Variants in CSNK1G3 observed in about 807,000 individuals in gnomAD.
The protein encoded by CSNK1G3 is casein kinase I isoform gamma-3.
CSNK1G3 carries 23 observed loss-of-function variants against 64.3 expected under a neutral mutation model. The ratio of observed to expected loss-of-function variants is 0.36; its 90% CI spans 0.26 to 0.51. CSNK1G3 has a LOEUF of 0.51. CSNK1G3 is among the 20% of genes least tolerant of loss of function. The pLI is 0.96. For missense variants in CSNK1G3, 357 were observed against 510.5 expected (o/e 0.70, Z 2.90); for synonymous variants, 158 against 162.2 (o/e 0.97, Z 0.20).
At chr5:123,610,628 C>T (rs1158390743) in intron 12 of CSNK1G3, among the ~76,000 whole-genome samples, 2 of 151,954 alleles carry the variant, frequency 1.3e-5, no homozygotes, top group Admixed American at 6.6e-5. Context: ...CTGTTTGTTG[C>T]CTAATTGTAT....
chr5:123,594,960 A>G, intron 10 of CSNK1G3, 79 bp from the exon 11 acceptor site: 1 of 1,204,500 alleles, frequency 8.3e-7, no homozygotes, highest in Non-Finnish European at 1.2e-6. Context: ...CGTTTGTTTT[A>G]TATATTATGA....
intron 2 of CSNK1G3, among the ~76,000 whole-genome samples, chr5:123,547,302 A>T (rs530836782): frequency 5.3e-4 from 81 of 152,262 alleles, no homozygotes; most frequent in South Asian, 2.1e-3. Flanking sequence ...GACCAACACT[A>T]TACTTGCATA....
At chr5:123,526,951 T>C (rs1196287405) in intron 1 of CSNK1G3, among the ~76,000 whole-genome samples, 1 of 152,024 alleles carries the variant, frequency 6.6e-6, no homozygotes, top group Admixed American at 6.6e-5. Flanking sequence ...GGCAAGTGTG[T>C]GTTTAACTTT....
chr5:123,546,082 CAATTA>C lies in CSNK1G3; in HGVS notation c.178+249_178+253del, dbSNP rs544688341. 5.6e-4 allele frequency: 223 copies of C among 397,276 alleles called. 1 individual carries two copies. Among genetic ancestry groups the C allele is most frequent in the Admixed American group, 2.9e-3 (77 of 26,568 alleles). 24.6% of individuals were successfully genotyped at this position (397,276 alleles called of 1,614,324 possible). On this transcript the variant is annotated intron_variant, in intron 2 of 12. Transcript: ENST00000345990. ...ACTATCCAGATTATGAGAAAACAAA[CAATTA>C]AATTAAAATAGCCCAGTAGGCTGAA...
chr5:123,520,232 G>T (rs1313244641), intron 1 of CSNK1G3, among the ~76,000 whole-genome samples: 1 of 151,960 alleles, frequency 6.6e-6, no homozygotes, highest in East Asian at 1.9e-4. Flanking sequence ...ATCAATATAT[G>T]TAAATGAAAG....
At chr5:123,541,105 C>A (rs1041717950) in intron 1 of CSNK1G3, among the ~76,000 whole-genome samples, 1 of 152,100 alleles carries the variant, frequency 6.6e-6, no homozygotes, top group Non-Finnish European at 1.5e-5. Context: ...TCTAGATCTA[C>A]CATATACATA....
intron 4 of CSNK1G3, among the ~76,000 whole-genome samples, chr5:123,559,907 A>G (rs914242155): frequency 3.9e-5 from 6 of 152,124 alleles, no homozygotes; most frequent in Non-Finnish European, 5.9e-5. Context: ...AACTCAACCT[A>G]TAATTTTCCT....
At chr5:123,560,828 G>C (rs775336174) in intron 4 of CSNK1G3, among the ~76,000 whole-genome samples, 12 of 152,112 alleles carry the variant, frequency 7.9e-5, no homozygotes, top group Non-Finnish European at 1.6e-4. Flanking sequence ...CAGAAATGGG[G>C]AATTATTGTT....
At chr5:123,542,494 G>C (rs746750042) in intron 1 of CSNK1G3, among the ~76,000 whole-genome samples, 58 of 152,048 alleles carry the variant, frequency 3.8e-4, no homozygotes, top group Non-Finnish European at 1.2e-4. Flanking sequence ...ATTTACTTCA[G>C]CTTAAAGGAC....
chr5:123,608,445 A>T (rs1352496213), intron 12 of CSNK1G3, among the ~76,000 whole-genome samples: 2 of 152,186 alleles, frequency 1.3e-5, no homozygotes, highest in Non-Finnish European at 2.9e-5. Flanking sequence ...TAAGACAGGT[A>T]ATACAAATGA....
chr5:123,512,198 G>C (rs1776279442), exon 1 of CSNK1G3: 1 of 152,090 alleles, frequency 6.6e-6, no homozygotes, highest in Non-Finnish European at 1.5e-5. Flanking sequence ...TTCCGGGTCC[G>C]GCGTCGATCC....
chr5:123,527,308 G>A (rs917573838), intron 1 of CSNK1G3, among the ~76,000 whole-genome samples: 1 of 152,018 alleles, frequency 6.6e-6, no homozygotes, highest in South Asian at 2.1e-4. Flanking sequence ...TTCATTTTGG[G>A]GTTTAAGGTA....
At chr5:123,516,945 G>A (rs911772776) in intron 1 of CSNK1G3, among the ~76,000 whole-genome samples, 14 of 152,168 alleles carry the variant, frequency 9.2e-5, no homozygotes, top group African/African-American at 2.4e-4. Context: ...TGGAAAAAAA[G>A]GGAAGAGAGT....
chr5:123,592,071 G>C (rs767057264), intron 10 of CSNK1G3, among the ~76,000 whole-genome samples: 1 of 151,916 alleles, frequency 6.6e-6, no homozygotes, highest in Non-Finnish European at 1.5e-5. Context: ...TTTAAAAAGA[G>C]AATAAGCTAT....
At position 123,546,772 on chromosome 5, in the gene CSNK1G3, C is replaced by T. The variant is rs59725976; in HGVS notation, c.178+931C>T. Among the ~76,000 whole-genome samples the T allele has an allele frequency of 9.7e-3, 1,482 of 152,136 alleles. 19 individuals are homozygous for T. The highest frequency in any genetic ancestry group is 0.033 in the African/African-American group (1,387 of 41,522). ...TATGTATTCAACTACTTCTTCTTTTCATCTTGTGAAGTACCCTAATTTGTA... is the reference window on the plus strand; with the variant it reads ...TATGTATTCAACTACTTCTTCTTTTTATCTTGTGAAGTACCCTAATTTGTA... On this transcript the variant is annotated intron_variant, in intron 2 of 12. Coordinates refer to ENST00000345990, the Ensembl canonical transcript of CSNK1G3.
chr5:123,557,466 A>G, intron 3 of CSNK1G3, 29 bp from the exon 4 acceptor site: 1 of 1,564,780 alleles, frequency 6.4e-7, no homozygotes, highest in Non-Finnish European at 8.8e-7. Context: ...AATAACTTAA[A>G]TGTCTTTTTT....
intron 10 of CSNK1G3, 122 bp downstream of exon 11, chr5:123,595,256 A>G (rs1207303907): frequency 8.3e-6 from 7 of 844,502 alleles, no homozygotes; most frequent in Admixed American, 2.7e-5. Flanking sequence ...TACTCTATCC[A>G]TAATTCTATT....
At chr5:123,570,359 T>C (rs1787839695) in intron 4 of CSNK1G3, among the ~76,000 whole-genome samples, 1 of 149,940 alleles carries the variant, frequency 6.7e-6, no homozygotes, top group African/African-American at 2.5e-5. Context: ...TTTTTTTTTT[T>C]TTTTTTCTTT....
intron 1 of CSNK1G3, among the ~76,000 whole-genome samples, chr5:123,513,304 G>C (rs1286978596): frequency 6.6e-6 from 1 of 152,112 alleles, no homozygotes; most frequent in Non-Finnish European, 1.5e-5. Context: ...CTTTTCAGCA[G>C]GATGAGGAGG....
Sources: allele counts gnomAD v4.1 joint callset (sites outside exome capture counted in the v4.1 genomes callset), GRCh38; gene constraint gnomAD v4.1.1; transcripts MANE v1.5; gene names NCBI Gene and HGNC (gene_info 2026-07-23, HGNC 2026-07-21).